The following SEPTIN14 variants were observed in gnomAD, a reference collection of about 807,000 sequenced individuals.
SEPTIN14 encodes the protein septin 14.
A neutral mutation model predicts 53.6 loss-of-function variants in SEPTIN14; 40 were observed. The observed-to-expected ratio is 0.75, with a 90% confidence interval of 0.58 to 0.97. The LOEUF (loss-of-function observed/expected upper bound fraction) is 0.97, where lower values mean the gene tolerates loss of function less well. Among genes scored for constraint, SEPTIN14 ranks in the 50% least tolerant of loss-of-function variants. SEPTIN14 has a pLI of 0.00. For synonymous variants in SEPTIN14, 138 were observed against 166.8 expected (o/e 0.83, Z 1.33); for missense variants, 471 against 508.2 (o/e 0.93, Z 0.70).
At chr7:55,813,735 G>A (rs149064191) in intron 7 of SEPTIN14, among the ~76,000 whole-genome samples, 214 of 152,232 alleles carry the variant, frequency 1.4e-3, no homozygotes, top group Middle Eastern at 6.8e-3. Flanking sequence ...ACACCACTAA[G>A]CCCATTCCTG....
At chr7:55,853,215 G>C (rs376843867) in intron 2 of SEPTIN14, among the ~76,000 whole-genome samples, 3 of 152,096 alleles carry the variant, frequency 2.0e-5, no homozygotes, top group East Asian at 3.8e-4. Flanking sequence ...ACATTGAAGA[G>C]ATATCTACAC....
chr7:55,847,468 C>T (rs2116060013), intron 2 of SEPTIN14, among the ~76,000 whole-genome samples: 1 of 152,232 alleles, frequency 6.6e-6, no homozygotes, highest in African/African-American at 2.4e-5. Flanking sequence ...GCATTTAACA[C>T]ACATAACAAA....
chr7:55,809,831 G>GT (rs1788670709), intron 7 of SEPTIN14, among the ~76,000 whole-genome samples: 1 of 119,532 alleles, frequency 8.4e-6, no homozygotes, highest in Non-Finnish European at 1.6e-5. Context: ...GTAATGGCTT[G>GT]TCTTTTTTTT....
chr7:55,805,920 T>G (rs1788603243), intron 8 of SEPTIN14, among the ~76,000 whole-genome samples: 1 of 152,202 alleles, frequency 6.6e-6, no homozygotes, highest in African/African-American at 2.4e-5. Flanking sequence ...AGTTAAATTT[T>G]GGGTGTCTAC....
At chr7:55,845,920 G>A (rs1277298481) in intron 3 of SEPTIN14, among the ~76,000 whole-genome samples, 1 of 149,360 alleles carries the variant, frequency 6.7e-6, no homozygotes, top group Non-Finnish European at 1.5e-5. Flanking sequence ...GTATTGGCGG[G>A]CGCCTGTAGT....
At chr7:55,852,166 A>G (rs1291401060) in intron 2 of SEPTIN14, among the ~76,000 whole-genome samples, 2 of 151,804 alleles carry the variant, frequency 1.3e-5, no homozygotes, top group African/African-American at 2.4e-5. Context: ...AGAAGAAAAG[A>G]AAAAAGAAAT....
rs1788465713 is a variant in SEPTIN14 at position 55,798,286 on chromosome 7, G to A, written c.1120-2194C>T. 5 of 453,478 alleles carry A rather than the reference G, an allele frequency of 1.1e-5. No homozygotes were observed. In the Admixed American group the frequency reaches 1.8e-4, roughly 17 times the overall value. The allele number at this position is 453,478 out of a possible 1,614,324, so 28.1% of individuals were successfully genotyped here. A position where few individuals can be genotyped will look rare whatever the true frequency, so the allele number is the denominator to read the frequency against. On this transcript the variant is annotated intron_variant, in intron 9 of 9. Transcript: ENST00000388975. ...GAGCGTCCACCAGGTGGGACAGGGAGTGCTGACCCTGGGCGGCCCCCTGAA... is the reference window on the plus strand; with the variant it reads ...GAGCGTCCACCAGGTGGGACAGGGAATGCTGACCCTGGGCGGCCCCCTGAA...
Position 55,833,261 on chromosome 7 carries a change from G to A in SEPTIN14, c.720+1164C>T, listed in dbSNP as rs575699735. ...ACCTGGGAGGCAGAGGTTGCAGTGA[G>A]CTGAGATTGCGCCACTGCACTCCAG... is the stretch of plus-strand genomic sequence containing the variant. On this transcript the variant is annotated intron_variant, in intron 6 of 9. Coordinates refer to ENST00000388975, the MANE Select transcript of SEPTIN14 (RefSeq NM_207366.3). 2.8e-3 allele frequency among the ~76,000 whole-genome samples: 423 copies of A among 151,984 alleles called. 5 individuals are homozygous for A. The highest frequency in any genetic ancestry group is 0.01 in the Middle Eastern group (3 of 294).
chr7:55,803,724 A>G (rs750214449), intron 9 of SEPTIN14, among the ~76,000 whole-genome samples: 11 of 152,208 alleles, frequency 7.2e-5, no homozygotes, highest in Non-Finnish European at 1.5e-4. Flanking sequence ...AAGAAAAAAG[A>G]AGCAGACGTA....
At chr7:55,849,577 C>A (rs1789484444) in intron 2 of SEPTIN14, among the ~76,000 whole-genome samples, 1 of 151,762 alleles carries the variant, frequency 6.6e-6, no homozygotes, top group African/African-American at 2.4e-5. Flanking sequence ...AAAACCCCGT[C>A]TCTACTAAAA....
chr7:55,849,235 G>T (rs756139911), intron 2 of SEPTIN14, among the ~76,000 whole-genome samples: 5 of 151,086 alleles, frequency 3.3e-5, no homozygotes, highest in Non-Finnish European at 4.4e-5. Flanking sequence ...TGAGGCAGGC[G>T]AATCCCTTGA....
intron 6 of SEPTIN14, among the ~76,000 whole-genome samples, chr7:55,824,208 C>G (rs11238381): frequency 0.34 from 50,958 of 151,904 alleles, 11,412 homozygotes; most frequent in African/African-American, 0.63. Context: ...GATAAGCCAC[C>G]GACTGAGAGA....
At chr7:55,857,269 G>A (rs1175936781) in intron 2 of SEPTIN14, among the ~76,000 whole-genome samples, 1 of 151,458 alleles carries the variant, frequency 6.6e-6, no homozygotes, top group Non-Finnish European at 1.5e-5. Flanking sequence ...CTACTCAGGA[G>A]GCTGAGGCAG....
chr7:55,809,546 G>A (rs543256689), intron 7 of SEPTIN14, among the ~76,000 whole-genome samples: 3 of 151,232 alleles, frequency 2.0e-5, no homozygotes, highest in Non-Finnish European at 3.0e-5. Flanking sequence ...TAGTAGAGAC[G>A]GGGTTTTGCC....
intron 3 of SEPTIN14, among the ~76,000 whole-genome samples, chr7:55,845,877 G>A (rs926846550): frequency 7.4e-5 from 11 of 148,634 alleles, no homozygotes; most frequent in African/African-American, 2.5e-4. Context: ...GTGAAACCCC[G>A]TCTGTACTAA....
intron 2 of SEPTIN14, among the ~76,000 whole-genome samples, chr7:55,857,789 G>A (rs1451398326): frequency 6.6e-6 from 1 of 150,910 alleles, no homozygotes; most frequent in Non-Finnish European, 1.5e-5. Context: ...GGGTTTCACC[G>A]TGTTAGCCAG....
Position 55,805,367 on chromosome 7 carries a change from T to C in SEPTIN14, c.1010A>G (p.Lys337Arg). The C allele has an allele frequency of 6.3e-7, 1 of 1,594,754 alleles. No individual in the cohort carries two copies. ...PVSFQEIFEA[K>R]RQEFYDQCQR... is the part of the protein sequence containing the mutation. ...ACATTGATCATAGAACTCTTGTCTT[T>C]TGGCTTCAAAGATTTCTTGAAAACT... Residue 337 changes from lysine (K) to arginine (R), a missense_variant, in exon 9 of 10, where the codon AAA becomes AGA. Lys to Arg is a conservative substitution (Grantham distance 26). Coordinates refer to ENST00000388975, the MANE Select transcript of SEPTIN14 (RefSeq NM_207366.3).
chr7:55,843,704 C>T (rs973855729), intron 4 of SEPTIN14, among the ~76,000 whole-genome samples: 2 of 152,108 alleles, frequency 1.3e-5, no homozygotes, highest in African/African-American at 2.4e-5. Flanking sequence ...TGGTGGCAGG[C>T]GCCTGTAGTC....
intron 6 of SEPTIN14, among the ~76,000 whole-genome samples, chr7:55,821,587 G>T (rs189869264): frequency 1.1e-4 from 17 of 152,232 alleles, no homozygotes; most frequent in Admixed American, 2.6e-4. Flanking sequence ...AAAATAGTTT[G>T]GAAGTAGCAT....
Sources: gnomAD v4.1 joint callset for allele counts (sites outside exome capture counted in the v4.1 genomes callset) on GRCh38, gnomAD v4.1.1 for gene constraint, MANE v1.5 for transcripts, NCBI Gene and HGNC (gene_info 2026-07-23, HGNC 2026-07-21) for gene names.